Variants in FILIP1L observed in about 807,000 individuals in gnomAD.
FILIP1L encodes the protein filamin A-interacting protein 1-like.
A neutral mutation model predicts 96.6 loss-of-function variants in FILIP1L; 55 were observed. That is an observed-to-expected ratio of 0.57 (90% confidence interval 0.46 to 0.71). The LOEUF (loss-of-function observed/expected upper bound fraction) is 0.71, where lower values mean the gene tolerates loss of function less well. Ranked by LOEUF, FILIP1L falls within the 30% of genes least tolerant of loss-of-function variation. FILIP1L has a pLI of 0.00. For synonymous variants in FILIP1L, 467 were observed against 473.9 expected, an observed-to-expected ratio of 0.99 and a Z score of 0.19; for missense variants, 1,304 against 1,321.2, an observed-to-expected ratio of 0.99 and a Z score of 0.20.
At chr3:99,881,107 C>T (rs909050355) in intron 4 of FILIP1L, among the ~76,000 whole-genome samples, 32 of 152,122 alleles carry the variant, frequency 2.1e-4, no homozygotes, top group Admixed American at 9.8e-4. Flanking sequence ...AAGGAATCAT[C>T]TGTTGGTAAG....
intron 1 of FILIP1L, among the ~76,000 whole-genome samples, chr3:99,989,325 T>C (rs1203392552): frequency 2.0e-5 from 3 of 152,212 alleles, no homozygotes; most frequent in Non-Finnish European, 4.4e-5. Context: ...TTCTAGGTAC[T>C]AAATGTAGAG....
At chr3:99,908,608 T>G (rs1254365905) in intron 4 of FILIP1L, among the ~76,000 whole-genome samples, 7 of 152,200 alleles carry the variant, frequency 4.6e-5, no homozygotes, top group Non-Finnish European at 1.0e-4. Context: ...AGCAGTGTGA[T>G]CTTGGGAAAG....
chr3:100,067,230 C>T (rs530931817), intron 1 of FILIP1L, among the ~76,000 whole-genome samples: 2 of 152,096 alleles, frequency 1.3e-5, no homozygotes, highest in African/African-American at 4.8e-5. Flanking sequence ...CACAGTTGAA[C>T]AAAAGTAAGG....
intron 1 of FILIP1L, among the ~76,000 whole-genome samples, chr3:99,944,936 A>G (rs538755506): frequency 6.6e-6 from 1 of 152,242 alleles, no homozygotes; most frequent in Non-Finnish European, 1.5e-5. Context: ...CACAGAGTGA[A>G]TTAAATTCAA....
At position 99,849,751 on chromosome 3, in the gene FILIP1L, A is replaced by T. The variant is rs751665212; in HGVS notation, c.1925T>A (p.Met642Lys). Residue 642 changes from methionine to lysine, a missense_variant, in exon 5 of 6, where the codon ATG (methionine) becomes AAG (lysine). Met to Lys is a moderately conservative substitution (Grantham distance 95). Coordinates refer to ENST00000477258, the MANE Select transcript of FILIP1L (RefSeq NM_001387850.1). ...VERLKLKLKD[M>K]KAIEDDLMKT... ...CATGAGGTCATCCTCAATGGCTTTC[A>T]TGTCCTTTAGCTTCAGTTTCAGTCT... is the stretch of plus-strand genomic sequence containing the variant. 3.7e-6 allele frequency: 6 copies of T among 1,613,486 alleles called. No homozygotes were observed. In the East Asian group the frequency reaches 1.3e-4, roughly 36 times the overall value.
At chr3:100,031,970 AT>A (rs1488061840) in intron 1 of FILIP1L, among the ~76,000 whole-genome samples, 1 of 151,966 alleles carries the variant, frequency 6.6e-6, no homozygotes, top group African/African-American at 2.4e-5. Flanking sequence ...AATTTTATGT[AT>A]TTTTCATGCA....
intron 1 of FILIP1L, among the ~76,000 whole-genome samples, chr3:100,045,621 G>C (rs556420833): frequency 1.2e-4 from 18 of 152,182 alleles, no homozygotes; most frequent in African/African-American, 4.3e-4. Context: ...GCTGCCCCCA[G>C]GTTCTTCATC....
intron 1 of FILIP1L, among the ~76,000 whole-genome samples, chr3:99,966,348 C>A (rs951828093): frequency 6.6e-6 from 1 of 152,098 alleles, no homozygotes; most frequent in Non-Finnish European, 1.5e-5. Flanking sequence ...TCTTTCATAG[C>A]CCCACTGCTC....
chr3:99,905,165 C>T (rs977740895), intron 4 of FILIP1L, among the ~76,000 whole-genome samples: 1 of 152,206 alleles, frequency 6.6e-6, no homozygotes, highest in African/African-American at 2.4e-5. Flanking sequence ...TGAATGTAGG[C>T]ATTTGCCAGG....
At chr3:100,107,288 G>A (rs1008050566) in intron 1 of FILIP1L, among the ~76,000 whole-genome samples, 12 of 152,140 alleles carry the variant, frequency 7.9e-5, no homozygotes, top group Non-Finnish European at 1.8e-4. Flanking sequence ...AGGTTATTTA[G>A]GTCATGATTG....
intron 1 of FILIP1L, among the ~76,000 whole-genome samples, chr3:99,950,591 G>T (rs889845808): frequency 2.0e-5 from 3 of 152,104 alleles, no homozygotes; most frequent in Non-Finnish European, 4.4e-5. Context: ...TTTAAAATGT[G>T]CTGTTCCCAG....
rs779425233 is a variant in FILIP1L, at chr3:99,929,962, T to C, written c.320A>G (p.Tyr107Cys). The change falls in exon 3 of 6, where the codon TAT (tyrosine) becomes TGT (cysteine). Residue 107 changes from tyrosine (Y) to cysteine (C), a missense_variant. By Grantham distance (194) the Tyr-to-Cys change is radical (BLOSUM62 -2). Transcript: ENST00000477258. Reference protein sequence around the residue: ...KMDLALLEAQYGFVTPKKVLE... With the variant: ...KMDLALLEAQCGFVTPKKVLE... Reference sequence around the variant, plus strand: ...CACCTTTTTTGGAGTGACAAACCCATACTGAGCTTCCAGCAAAGCCAGGTC... The same window carrying C: ...CACCTTTTTTGGAGTGACAAACCCACACTGAGCTTCCAGCAAAGCCAGGTC... 3.7e-6 allele frequency: 6 copies of C among 1,614,004 alleles called. No homozygotes were observed. The highest frequency in any genetic ancestry group is 1.1e-5 in the South Asian group (1 of 91,084).
At chr3:99,953,638 G>T (rs1386214191) in intron 1 of FILIP1L, among the ~76,000 whole-genome samples, 1 of 152,066 alleles carries the variant, frequency 6.6e-6, no homozygotes, top group Non-Finnish European at 1.5e-5. Flanking sequence ...TGTTCCTATT[G>T]TCTTGCTAAT....
At chr3:99,973,464 A>G (rs923479936) in intron 1 of FILIP1L, among the ~76,000 whole-genome samples, 8 of 152,226 alleles carry the variant, frequency 5.3e-5, no homozygotes, top group Non-Finnish European at 1.0e-4. Flanking sequence ...ATATGCAGTT[A>G]TAAATACATA....
chr3:100,014,869 C>CTTTT (rs1559725848), intron 1 of FILIP1L, among the ~76,000 whole-genome samples: 3 of 18,526 alleles, frequency 1.6e-4, no homozygotes, highest in African/African-American at 4.5e-4. Flanking sequence ...TTGTCTTTTT[C>CTTTT]TTTTCTTTTT....
intron 4 of FILIP1L, among the ~76,000 whole-genome samples, chr3:99,869,153 C>A (rs927442326): frequency 6.6e-6 from 1 of 152,154 alleles, no homozygotes; most frequent in Non-Finnish European, 1.5e-5. Context: ...GTTCTTGTCA[C>A]TTCTGGAAGG....
chr3:99,916,428 A>G (rs1706951824), intron 4 of FILIP1L, among the ~76,000 whole-genome samples: 1 of 144,684 alleles, frequency 6.9e-6, no homozygotes, highest in Admixed American at 7.0e-5. Context: ...ACTTTATAAT[A>G]ACGGTTTATA....
rs201399704 is a variant in FILIP1L at position 99,866,808 on chromosome 3, C to CT, written c.606-15739dup. On this transcript the variant is annotated intron_variant, in intron 4 of 5. Transcript: ENST00000477258. ...TGAGAGTTTGGGCCATATGCCATCTCTAATTACAGACAGGTGGAAAAGTTT... is the reference window on the plus strand; with the variant it reads ...TGAGAGTTTGGGCCATATGCCATCTCTTAATTACAGACAGGTGGAAAAGTTT... 8.2e-4 allele frequency among the ~76,000 whole-genome samples: 125 copies of CT among 152,286 alleles called. 2 individuals are homozygous for CT. In the East Asian group the frequency reaches 0.024, roughly 29 times the overall value.
intron 4 of FILIP1L, among the ~76,000 whole-genome samples, chr3:99,912,976 G>A (rs994593836): frequency 6.6e-6 from 1 of 152,140 alleles, no homozygotes; most frequent in African/African-American, 2.4e-5. Flanking sequence ...TTAGGAAGTG[G>A]AGCCTTTGGG....
Sources: gnomAD v4.1 joint callset for allele counts (sites outside exome capture counted in the v4.1 genomes callset) on GRCh38, gnomAD v4.1.1 for gene constraint, MANE v1.5 for transcripts, NCBI Gene and HGNC (gene_info 2026-07-23, HGNC 2026-07-21) for gene names.